Variants in NUP205 observed in about 807,000 individuals in gnomAD.
The protein encoded by NUP205 is nuclear pore complex protein Nup205.
NUP205 carries 76 observed loss-of-function variants against 253.8 expected under a neutral mutation model. That is an observed-to-expected ratio of 0.30 (90% confidence interval 0.25 to 0.36). The LOEUF (loss-of-function observed/expected upper bound fraction) is 0.36. Ranked by LOEUF, NUP205 falls within the 10% of genes least tolerant of loss-of-function variation. NUP205 has a pLI of 1.00. For missense variants in NUP205, 2,162 were observed against 2,425.5 expected (o/e 0.89, Z 2.28); for synonymous variants, 832 against 850.1 (o/e 0.98, Z 0.37).
rs1367203945 is a variant in NUP205, at chr7:135,630,450, T to C, written c.5039T>C (p.Ile1680Thr). The C allele has an allele frequency of 2.5e-6, 4 of 1,608,624 alleles. No homozygotes were observed. Among genetic ancestry groups the C allele is most frequent in the Middle Eastern group, 1.7e-4 (1 of 6,032 alleles). ...LQELALLTGI[I>T]SKAALPGILS... is the part of the protein sequence containing the mutation. Reference sequence around the variant, plus strand: ...GAATTGGCTCTGCTGACAGGAATTATAAGTAAAGCAGCACTTCCTGGTGAG... The same window carrying C: ...GAATTGGCTCTGCTGACAGGAATTACAAGTAAAGCAGCACTTCCTGGTGAG... Residue 1680 changes from isoleucine to threonine, a missense_variant, in exon 35 of 43, where the codon ATA becomes ACA. By Grantham distance (89) the Ile-to-Thr change is moderately conservative (BLOSUM62 -1). This residue lies in a region of NUP205 where 1,144 missense variants were observed against 1,280.9 expected (regional missense o/e 0.89). Transcript: ENST00000285968.
chr7:135,602,830 A>G lies in NUP205; in HGVS notation c.2538A>G (p.Val846=), dbSNP rs1253829368. The part of the protein sequence containing the change: ...FPGKKHLEKA[V]QHCLALLNLT... ...GGAAAAAACACCTGGAGAAAGCAGT[A>G]CAGCATTGCCTTGCACTTCTCAATC... The change falls in exon 18 of 43, where the codon GTA becomes GTG. Residue 846 remains valine, a synonymous_variant. Transcript: ENST00000285968. 1.2e-6 allele frequency: 2 copies of G among 1,613,444 alleles called. No individual in the cohort carries two copies.
intron 18 of NUP205, 75 bp downstream of exon 18, chr7:135,603,069 G>A (rs1432458784): frequency 4.8e-6 from 5 of 1,050,540 alleles, no homozygotes; most frequent in Non-Finnish European, 6.9e-6. Context: ...ATCTGGTTAG[G>A]TATCTAGTGC....
chr7:135,596,631 T>G (rs1263908344), intron 13 of NUP205, among the ~76,000 whole-genome samples: 1 of 152,056 alleles, frequency 6.6e-6, no homozygotes, highest in Admixed American at 6.5e-5. Context: ...AAGTCAAAAC[T>G]TGAGCCTCCT....
At position 135,619,318 on chromosome 7, in the gene NUP205, G is replaced by A. The variant is rs994532705; in HGVS notation, c.3964-105G>A. The A allele has an allele frequency of 1.7e-5, 21 of 1,228,134 alleles. No homozygotes were observed. The Middle Eastern group carries it at 8.7e-4, about 51-fold the overall frequency. 76.1% of individuals were successfully genotyped at this position (1,228,134 alleles called of 1,614,324 possible). A position where few individuals can be genotyped will look rare whatever the true frequency, so the allele number is the denominator to read the frequency against. ...GATTATGCTACTGCACTCCAGCCTC[G>A]GTGACAGAGCGAGACCCTGTCTTCA... On this transcript the variant is annotated intron_variant, in intron 28 of 42. Transcript: ENST00000285968.
At chr7:135,630,891 A>G (rs985782921) in intron 35 of NUP205, among the ~76,000 whole-genome samples, 8 of 152,078 alleles carry the variant, frequency 5.3e-5, no homozygotes, top group African/African-American at 1.9e-4. Context: ...ATGCCACTGC[A>G]ATCCAGTCTG....
At chr7:135,567,180 A>ATG (rs1805805095) in intron 1 of NUP205, among the ~76,000 whole-genome samples, 3 of 110,592 alleles carry the variant, frequency 2.7e-5, no homozygotes, top group South Asian at 2.8e-4. Context: ...ATATATATAT[A>ATG]TGTATATATG....
chr7:135,571,314 C>G, intron 2 of NUP205, 67 bp downstream of exon 2: 4 of 1,079,650 alleles, frequency 3.7e-6, no homozygotes, highest in Non-Finnish European at 4.9e-6. Flanking sequence ...AGGAAGTAAA[C>G]TCTTTTCTTT....
chr7:135,563,431 G>A (rs968857389), intron 1 of NUP205, among the ~76,000 whole-genome samples: 4 of 152,072 alleles, frequency 2.6e-5, no homozygotes, highest in Admixed American at 6.6e-5. Flanking sequence ...TCGTGATGTG[G>A]CCCGCCTTGG....
At chr7:135,645,711 C>T (rs1794994261) in intron 41 of NUP205, 115 bp downstream of exon 41, 1 of 1,020,562 alleles carries the variant, frequency 9.8e-7, no homozygotes, top group African/African-American at 1.6e-5. Context: ...TTGGGTGAAT[C>T]AAGAGCTGTT....
At chr7:135,618,931 T>A (rs1451576194) in intron 28 of NUP205, among the ~76,000 whole-genome samples, 1 of 152,212 alleles carries the variant, frequency 6.6e-6, no homozygotes, top group Non-Finnish European at 1.5e-5. Context: ...CCCTTCTGGT[T>A]AAGAACACCC....
At chr7:135,571,969 G>A (rs74467031) in intron 2 of NUP205, among the ~76,000 whole-genome samples, 3,114 of 152,200 alleles carry the variant, frequency 0.02, 50 homozygotes, top group South Asian at 0.077. Flanking sequence ...TGGTTCAAGC[G>A]TTCTTCCTGG....
In NUP205 at chr7:135,609,446, C is replaced by G. The variant is rs368945735; in HGVS notation, c.3195+2075C>G. Among the ~76,000 whole-genome samples the G allele has an allele frequency of 1.5e-4, 23 of 151,194 alleles. No homozygotes were observed. The East Asian group carries it at 3.7e-3, about 24-fold the overall frequency. On this transcript the variant is annotated intron_variant, in intron 22 of 42. Transcript: ENST00000285968. ...TGAGCCGAGATCGCGCCACTGCACT[C>G]CAGCCTAGGCGACAGAGCGAAACTC...
In NUP205 at chr7:135,615,947, A is replaced by G. The variant is rs1195149392; in HGVS notation, c.3342A>G (p.Ser1114=). 1.9e-6 allele frequency: 3 copies of G among 1,613,392 alleles called. No individual in the cohort carries two copies. The highest frequency in any genetic ancestry group is 2.5e-6 in the Non-Finnish European group (3 of 1,179,636). Residue 1114 remains serine, a synonymous_variant, in exon 24 of 43, where the codon TCA becomes TCG. Coordinates refer to ENST00000285968, the MANE Select transcript of NUP205 (RefSeq NM_015135.3). ...EYEISMLNQM[S]WLMKTASIEL... is the part of the protein sequence containing the mutation. ...AAATATCTATGCTGAACCAGATGTC[A>G]TGGCTTATGAAAACTGCCTCAATAG...
intron 1 of NUP205, among the ~76,000 whole-genome samples, chr7:135,560,456 A>C (rs1043500714): frequency 3.3e-5 from 5 of 152,236 alleles, no homozygotes; most frequent in African/African-American, 1.2e-4. Flanking sequence ...CATTTTTAAA[A>C]GCCAAGAGTC....
At chr7:135,624,623 C>T (rs960789246) in intron 31 of NUP205, among the ~76,000 whole-genome samples, 3 of 151,962 alleles carry the variant, frequency 2.0e-5, no homozygotes, top group Admixed American at 1.3e-4. Flanking sequence ...GTGATCCACC[C>T]GCCTTGGCCT....
intron 35 of NUP205, among the ~76,000 whole-genome samples, chr7:135,631,875 G>A (rs1307507160): frequency 1.3e-5 from 2 of 151,544 alleles, no homozygotes; most frequent in South Asian, 2.1e-4. Context: ...TCAGCCTCCC[G>A]AGCAGCTGGG....
At chr7:135,646,137 A>C in intron 41 of NUP205, 21 bp from the exon 42 acceptor site, 1 of 1,564,770 alleles carries the variant, frequency 6.4e-7, no homozygotes, top group East Asian at 2.2e-5. Context: ...AGCCGGTATG[A>C]CTCTGTTTTT....
intron 20 of NUP205, 43 bp from the exon 21 acceptor site, chr7:135,606,708 T>C (rs1164275813): frequency 6.6e-7 from 1 of 1,521,318 alleles, no homozygotes. Context: ...TTACGTTAAC[T>C]TTCCACTGTT....
rs908711286 is a variant in NUP205, at chr7:135,570,287, C to T, written c.29-818C>T. On this transcript the variant is annotated intron_variant, in intron 1 of 42. Coordinates refer to ENST00000285968, the MANE Select transcript of NUP205 (RefSeq NM_015135.3). ...AGAGTGCAGTGGCACGATCCTGGCTCACTGCAACCTCCGCCTCCTGGGTTC... is the reference window on the plus strand; with the variant it reads ...AGAGTGCAGTGGCACGATCCTGGCTTACTGCAACCTCCGCCTCCTGGGTTC... Among the ~76,000 whole-genome samples, 7 of 151,926 alleles carry T rather than the reference C, an allele frequency of 4.6e-5. No individual in the cohort carries two copies. In the South Asian group the frequency reaches 1.5e-3, roughly 32 times the overall value.
Sources: allele counts gnomAD v4.1 joint callset (sites outside exome capture counted in the v4.1 genomes callset), GRCh38; gene constraint gnomAD v4.1.1; regional missense constraint gnomAD v4.1.1; transcripts MANE v1.5; gene names NCBI Gene and HGNC (gene_info 2026-07-23, HGNC 2026-07-21).